Variants in PLEC observed in about 807,000 individuals in gnomAD.
PLEC encodes plectin.
In PLEC, 216 loss-of-function variants were observed where a neutral mutation model predicts 392.8. That is an observed-to-expected ratio of 0.55 (90% CI 0.49 to 0.62). PLEC has a LOEUF of 0.62. Among genes scored for constraint, PLEC ranks in the 20% least tolerant of loss-of-function variants. PLEC has a pLI of 0.00. For synonymous variants in PLEC, 3,621 were observed against 2,980.6 expected (o/e 1.21, Z -7.00); for missense variants, 6,863 against 6,563.4 (o/e 1.05, Z -1.58).
upstream of PLEC, among the ~76,000 whole-genome samples, chr8:143,942,070 C>G (rs927497436): frequency 6.6e-6 from 1 of 152,168 alleles, no homozygotes; most frequent in Non-Finnish European, 1.5e-5. Flanking sequence ...TGGAGCCCCG[C>G]CTTCAGCACC....
chr8:143,944,099 TCGGCGCCTCCCCACCCTCGCTCCCCACC>T, upstream of PLEC: 1 of 658,392 alleles, frequency 1.5e-6, no homozygotes, highest in Non-Finnish European at 2.5e-6. Flanking sequence ...GGTCCGGCCC[TCGGCGCCTCCCCACCCTCGCTCCCCACC>T]CGGCCGGCTC....
intron 5 of PLEC, among the ~76,000 whole-genome samples, chr8:143,936,479 G>C (rs1382671761): frequency 2.0e-5 from 3 of 152,194 alleles, no homozygotes; most frequent in African/African-American, 4.8e-5. Context: ...CTGGCAGGTG[G>C]GGCCTCTGGC....
chr8:143,939,534 C>T lies in PLEC; in HGVS notation c.-73G>A, dbSNP rs902734740. The stretch of plus-strand genomic sequence containing the variant: ...GCTCTGGGCAGCCCCGTGTGGCACA[C>T]AGGCAGCTGAAGGCTGGCGGCCCCA... On this transcript the variant is annotated 5_prime_UTR_variant, in exon 1 of 32. The change creates a new upstream start codon in the 5' untranslated region. Transcript: ENST00000345136. 4.1e-5 allele frequency: 64 copies of T among 1,552,344 alleles called. No individual in the cohort carries two copies. Among genetic ancestry groups the T allele is most frequent in the Non-Finnish European group, 5.2e-5 (60 of 1,150,432 alleles).
chr8:143,925,656 G>A lies in PLEC; in HGVS notation c.4273C>T (p.Leu1425=). 1.3e-6 allele frequency: 2 copies of A among 1,586,842 alleles called. No individual in the cohort carries two copies. The highest frequency in any genetic ancestry group is 2.2e-5 in the South Asian group (2 of 89,442). ...ATCTCCGCCTCCGAGCTCTGCCGCAGCTGCTGCAGCTCCTCCTGAATGCTG... is the reference window on the plus strand; with the variant it reads ...ATCTCCGCCTCCGAGCTCTGCCGCAACTGCTGCAGCTCCTCCTGAATGCTG... ...KRSIQEELQQ[L]RQSSEAEIQA... is the part of the protein sequence containing the mutation. The change falls in exon 31 of 32, where the codon CTG becomes TTG. Residue 1425 remains leucine (L), a synonymous_variant. Coordinates refer to ENST00000345136, the MANE Select transcript of PLEC (RefSeq NM_201384.3).
Position 143,916,347 on chromosome 8 carries a change from C to T in PLEC, c.13474G>A (p.Gly4492Ser), listed in dbSNP as rs781954922. ...CCGGCCCGGGAGCCGGTGCGCGAGC[C>T]GGTGCGGGAGCCAGCGGTAGAGCCG... ...GSGSTAGSRTGSRTGSRAGSR... is the reference protein window; with the variant it reads ...GSGSTAGSRTSSRTGSRAGSR... The change falls in exon 32 of 32, where the codon GGC becomes AGC. Residue 4492 changes from glycine (G) to serine (S), a missense_variant. Physicochemically the swap from Gly to Ser is moderately conservative, Grantham distance 56 (BLOSUM62 0). Transcript: ENST00000345136. The T allele has an allele frequency of 1.4e-4, 227 of 1,604,696 alleles. No individual in the cohort carries two copies. Among genetic ancestry groups the T allele is most frequent in the East Asian group, 2.7e-4 (12 of 44,664 alleles).
At position 143,935,972 on chromosome 8, in the gene PLEC, C is replaced by A; in HGVS notation, c.478G>T (p.Ala160Ser). The A allele has an allele frequency of 6.2e-7, 1 of 1,612,780 alleles. No individual in the cohort carries two copies. Among genetic ancestry groups the A allele is most frequent in the Non-Finnish European group, 8.5e-7 (1 of 1,179,950 alleles). Residue 160 changes from alanine to serine, a missense_variant, in exon 6 of 32, where the codon GCC becomes TCC. By Grantham distance (99) the Ala-to-Ser change is moderately conservative. Coordinates refer to ENST00000345136, the MANE Select transcript of PLEC (RefSeq NM_201384.3). ...GACCACAGCAGCAGCTTCTCCTTGG[C>A]CGTCATGTCCTCCGACTGCCCACTC... The part of the protein sequence containing the change: ...QVSGQSEDMT[A>S]KEKLLLWSQR...
In PLEC at chr8:143,935,043, C is replaced by G; in HGVS notation, c.793G>C (p.Val265Leu). The change falls in exon 8 of 32, where the codon GTG becomes CTG. Residue 265 changes from valine (V) to leucine (L), a missense_variant. By Grantham distance (32) the Val-to-Leu change is conservative. Transcript: ENST00000345136. ...VSSLYDAMPR[V>L]PDVQDGVRAN... is the part of the protein sequence containing the mutation. ...CTCACCCCATCCTGCACGTCCGGCA[C>G]GCGGGGCATGGCGTCATACAGCGAC... The G allele has an allele frequency of 3.7e-6, 6 of 1,612,808 alleles. No individual in the cohort carries two copies. Among genetic ancestry groups the G allele is most frequent in the Non-Finnish European group, 5.1e-6 (6 of 1,179,912 alleles).
upstream of PLEC, among the ~76,000 whole-genome samples, chr8:143,976,333 C>G (rs1296070282): frequency 6.6e-6 from 1 of 152,124 alleles, no homozygotes; most frequent in Admixed American, 6.5e-5. Context: ...CGCGGGGGCA[C>G]AATGTGGGCT....
chr8:143,932,228 T>G lies in PLEC; in HGVS notation c.1984A>C (p.Met662Leu). Reference sequence around the variant, plus strand: ...TTCTCCTTCAGCTCCAGCTCCCGCATCAGCGCCTGGCACCAGAGCAAAGGG... The same window carrying G: ...TTCTCCTTCAGCTCCAGCTCCCGCAGCAGCGCCTGGCACCAGAGCAAAGGG... ...TAKKESYSALMRELELKEKKI... is the reference protein window; with the variant it reads ...TAKKESYSALLRELELKEKKI... The change falls in exon 17 of 32, where the codon ATG becomes CTG. Residue 662 changes from methionine (M) to leucine (L), a missense_variant. Met to Leu is a conservative substitution (Grantham distance 15). Coordinates refer to ENST00000345136, the MANE Select transcript of PLEC (RefSeq NM_201384.3). 3 of 1,612,220 alleles carry G rather than the reference T, an allele frequency of 1.9e-6. No homozygotes were observed. The highest frequency in any genetic ancestry group is 2.5e-6 in the Non-Finnish European group (3 of 1,179,882).
chr8:143,971,932 C>A (rs1833449934), intron 1 of PLEC, among the ~76,000 whole-genome samples: 1 of 152,208 alleles, frequency 6.6e-6, no homozygotes, highest in Non-Finnish European at 1.5e-5. Context: ...GTCCCAGCAA[C>A]CTCCAGGGAT....
chr8:143,950,043 G>A (rs566544790), intron 1 of PLEC: 6 of 1,138,686 alleles, frequency 5.3e-6, no homozygotes, highest in Admixed American at 5.9e-5. Context: ...CCTCGGCTAG[G>A]GGGGGCCACC....
chr8:143,922,179 G>A lies in PLEC; in HGVS notation c.7642C>T (p.Leu2548=). 3 of 1,544,154 alleles carry A rather than the reference G, an allele frequency of 1.9e-6. No individual in the cohort carries two copies. Among genetic ancestry groups the A allele is most frequent in the Non-Finnish European group, 2.6e-6 (3 of 1,149,516 alleles). ...CGCGCCTCCTCCATGCTGGCCACCA[G>A]CCGCTGCCGTTCCTGCTCCATCTGC... The part of the protein sequence containing the change: ...QQQMEQERQR[L]VASMEEARRR... Residue 2548 remains leucine (L), a synonymous_variant, in exon 32 of 32, where the codon CTG becomes TTG. Transcript: ENST00000345136.
At chr8:143,975,242 C>G (rs781980239), upstream of PLEC, 40 of 1,607,200 alleles carry the variant, frequency 2.5e-5, no homozygotes, top group Non-Finnish European at 3.0e-5. This position sits in a 1 kb window ranked among gnomAD's most constrained non-coding sequence, Gnocchi z 9.9. Flanking sequence ...AGCGCCACCC[C>G]CGCTGCGCCG....
At position 143,930,358 on chromosome 8, in the gene PLEC, C is replaced by A. The variant is rs1554713628; in HGVS notation, c.2457+26G>T. Reference sequence around the variant, plus strand: ...ACCCTGCCCTGCCTGGCCACGCCCCCCAGTGGACCCCCGGCCTGCGCTCAC... The same window carrying A: ...ACCCTGCCCTGCCTGGCCACGCCCCACAGTGGACCCCCGGCCTGCGCTCAC... On this transcript the variant is annotated intron_variant, in intron 20 of 31. Coordinates refer to ENST00000345136, the MANE Select transcript of PLEC (RefSeq NM_201384.3). 9.5e-6 allele frequency: 15 copies of A among 1,578,364 alleles called. No homozygotes were observed. In the Admixed American group the frequency reaches 1.1e-4, roughly 11 times the overall value.
At chr8:143,942,198 C>CA (rs1319285010), upstream of PLEC, among the ~76,000 whole-genome samples, 1 of 150,702 alleles carries the variant, frequency 6.6e-6, no homozygotes, top group Non-Finnish European at 1.5e-5. Context: ...TCTCTAGAGA[C>CA]AAACAAATGG....
chr8:143,928,046 A>G lies in PLEC; in HGVS notation c.3261-54T>C, dbSNP rs943259222. ...GACATGGGGCTCGAGCAATAGCCCA[A>G]GGGAATGGAACCCAAGCCACAGCGA... On this transcript the variant is annotated intron_variant, in intron 25 of 31. Coordinates refer to ENST00000345136, the MANE Select transcript of PLEC (RefSeq NM_201384.3). 3.2e-6 allele frequency: 5 copies of G among 1,538,542 alleles called. No individual in the cohort carries two copies. In the East Asian group the frequency reaches 6.8e-5, roughly 21 times the overall value.
rs782083203 is a variant in PLEC, at chr8:143,925,825, C to T, written c.4104G>A (p.Ala1368=). Residue 1368 remains alanine (A), a synonymous_variant, in exon 31 of 32, where the codon GCG becomes GCA. Coordinates refer to ENST00000345136, the MANE Select transcript of PLEC (RefSeq NM_201384.3). ...ERERLAEVEA[A]LEKQRQLAEA... Reference sequence around the variant, plus strand: ...CGGCCAGCTGCCGCTGCTTCTCCAGCGCGGCCTCCACCTCGGCCAGCCGCT... The same window carrying T: ...CGGCCAGCTGCCGCTGCTTCTCCAGTGCGGCCTCCACCTCGGCCAGCCGCT... The T allele has an allele frequency of 1.7e-5, 27 of 1,560,548 alleles. No homozygotes were observed. Among genetic ancestry groups the T allele is most frequent in the Middle Eastern group, 3.7e-4 (2 of 5,468 alleles).
rs372942259 is a variant in PLEC at position 143,929,821 on chromosome 8, G to A, written c.2748C>T (p.Thr916=). 189 of 1,599,020 alleles carry A rather than the reference G, an allele frequency of 1.2e-4. 1 individual carries two copies. The African/African-American group carries it at 2.4e-3, about 20-fold the overall frequency. Residue 916 remains threonine (T), a synonymous_variant, in exon 23 of 32, where the codon ACC becomes ACT. Coordinates refer to ENST00000345136, the MANE Select transcript of PLEC (RefSeq NM_201384.3). Reference sequence around the variant, plus strand: ...CTTGGCGCTGCTCCTCTGGCTTCAGGGTGCGGAACTGGGGGAAGCACGTGG... The same window carrying A: ...CTTGGCGCTGCTCCTCTGGCTTCAGAGTGCGGAACTGGGGGAAGCACGTGG... The part of the protein sequence containing the change: ...IRSWSLATFR[T]LKPEEQRQAL...
rs782623344 is a variant in PLEC at position 143,973,448 on chromosome 8, G to C, written c.25C>G (p.Gln9Glu). 3 of 1,522,028 alleles carry C rather than the reference G, an allele frequency of 2.0e-6. No individual in the cohort carries two copies. Among genetic ancestry groups the C allele is most frequent in the South Asian group, 2.5e-5 (2 of 81,548 alleles). The allele number at this position is 1,522,028 out of a possible 1,614,324, so 94.3% of individuals were successfully genotyped here. Reference sequence around the variant, plus strand: ...TCCTCGTAGGCCTGGATGAAGTCCTGCTCGTCGGGCAGCGGGCCGGCCATG... The same window carrying C: ...TCCTCGTAGGCCTGGATGAAGTCCTCCTCGTCGGGCAGCGGGCCGGCCATG... The change falls in exon 1 of 32, where the codon CAG (glutamine) becomes GAG (glutamate). Residue 9 changes from glutamine to glutamate, a missense_variant. Physicochemically the swap from Gln to Glu is conservative, Grantham distance 29. Transcript: ENST00000356346. This position sits in a 1 kb window ranked among gnomAD's most constrained non-coding sequence, Gnocchi z 5.6.
Sources: gnomAD v4.1 joint callset for allele counts (sites outside exome capture counted in the v4.1 genomes callset) on GRCh38, gnomAD v4.1.1 for gene constraint, Gnocchi (gnomAD v3.1) non-coding constraint, MANE v1.5 for transcripts, NCBI Gene and HGNC (gene_info 2026-07-23, HGNC 2026-07-21) for gene names.